The following URB1 variants were observed in gnomAD, a reference collection of about 807,000 sequenced individuals.
The protein encoded by URB1 is nucleolar pre-ribosomal-associated protein 1.
A neutral mutation model predicts 242.3 loss-of-function variants in URB1; 197 were observed. That is an observed-to-expected ratio of 0.81 (90% CI 0.72 to 0.91). The LOEUF is 0.91. URB1 is among the 40% of genes least tolerant of loss of function. The probability of loss-of-function intolerance (pLI) is 0.00; values close to 1 mark genes in which losing one functional copy is unlikely to be tolerated. For synonymous variants in URB1, 1,153 were observed against 1,201.8 expected, an observed-to-expected ratio of 0.96 and a Z score of 0.84; for missense variants, 2,721 against 2,860.5, an observed-to-expected ratio of 0.95 and a Z score of 1.11.
At chr21:32,321,244 CT>C (rs1265697537) in intron 34 of URB1, among the ~76,000 whole-genome samples, 1 of 152,176 alleles carries the variant, frequency 6.6e-6, no homozygotes, top group Non-Finnish European at 1.5e-5. Context: ...ATACTAAAAG[CT>C]TTTCCTATTT....
Position 32,312,374 on chromosome 21 carries a change from G to C in URB1, c.*2544C>G. 8.8e-7 allele frequency: 1 copy of C among 1,136,244 alleles called. No individual in the cohort carries two copies. The allele number at this position is 1,136,244 out of a possible 1,614,324, so 70.4% of individuals were successfully genotyped here. ...AGCCCTGAGTTCACCTGGTCCTTCT[G>C]TACCTTTGTTAGGATGCTGGGTAAG... On this transcript the variant is annotated 3_prime_UTR_variant, in exon 39 of 39. Transcript: ENST00000382751.
chr21:32,375,677 GC>G (rs2033451319), intron 5 of URB1, among the ~76,000 whole-genome samples, 194 bp from the exon 6 acceptor site: 1 of 151,956 alleles, frequency 6.6e-6, no homozygotes, highest in Non-Finnish European at 1.5e-5. Flanking sequence ...AGGCAGAGTG[GC>G]TCATGCCTGT....
Position 32,316,535 on chromosome 21 carries a change from TCCCTGCC to T in URB1, c.6558_6564del (p.Gly2188ProfsTer14). On this transcript the variant is annotated frameshift_variant, in exon 38 of 39. Coordinates refer to ENST00000382751, the MANE Select transcript of URB1 (RefSeq NM_014825.3). LOFTEE classifies it high-confidence loss of function. Reference sequence around the variant, plus strand: ...GCTTCCATGGCCGGGTGGAAGGGGCTCCCTGCCCGGCCCTGGGCAGCCACCAGCTGCA... The same window carrying T: ...GCTTCCATGGCCGGGTGGAAGGGGCTCGGCCCTGGGCAGCCACCAGCTGCA... 6.4e-7 allele frequency: 1 copy of T among 1,550,554 alleles called. No individual in the cohort carries two copies.
rs1354698593 is a variant in URB1 at position 32,333,363 on chromosome 21, A to AT, written c.4913dup (p.Tyr1638Ter). 1.3e-6 allele frequency: 2 copies of AT among 1,551,686 alleles called. No homozygotes were observed. The highest frequency in any genetic ancestry group is 1.7e-6 in the Non-Finnish European group (2 of 1,147,022). ...AGAGCTGAAGGAGAAAGCAGGGGTC[A>AT]TAGAGGCCATCAAGATCCACCCTGC... ...DKSRVDLDGL[Y>*]DPCFLLQLFS... is the part of the protein sequence containing the mutation. Residue 1638 changes from tyrosine (Y) to a stop codon, truncating the protein, a stop_gained and frameshift_variant, in exon 30 of 39, where the codon TAT becomes TAAT. Coordinates refer to ENST00000382751, the MANE Select transcript of URB1 (RefSeq NM_014825.3). LOFTEE classifies it high-confidence loss of function.
Position 32,368,955 on chromosome 21 carries a change from T to C in URB1, c.1002-357A>G, listed in dbSNP as rs75092119. Among the ~76,000 whole-genome samples, 981 of 152,304 alleles carry C rather than the reference T, an allele frequency of 6.4e-3. 12 individuals carry two copies. The highest frequency in any genetic ancestry group is 0.023 in the African/African-American group (941 of 41,548). ...CAGTCTGCCTAGAAGTCAAGGCTAC[T>C]GAAAAGAAAGGACAAAACCAGCAGG... On this transcript the variant is annotated intron_variant, in intron 8 of 38. Transcript: ENST00000382751.
intron 3 of URB1, 123 bp downstream of exon 3, chr21:32,384,190 G>T: frequency 8.1e-7 from 1 of 1,228,626 alleles, no homozygotes; most frequent in Non-Finnish European, 1.1e-6. Context: ...CGGTCACTGT[G>T]GCCTCGGAAA....
In URB1 at chr21:32,337,521, G is replaced by A. The variant is rs973805385; in HGVS notation, c.4511-7C>T. On this transcript the variant is annotated splice_polypyrimidine_tract_variant and splice_region_variant and intron_variant, in intron 26 of 38. Coordinates refer to ENST00000382751, the MANE Select transcript of URB1 (RefSeq NM_014825.3). ...ATCAGGTCCACCAGCGCTTCTGCAA[G>A]AAAACAACCCTGAAACACATGGCAT... is the stretch of plus-strand genomic sequence containing the variant. 1 of 1,551,222 alleles carries A rather than the reference G, an allele frequency of 6.4e-7. No homozygotes were observed. The highest frequency in any genetic ancestry group is 1.2e-5 in the South Asian group (1 of 84,006).
intron 1 of URB1, among the ~76,000 whole-genome samples, chr21:32,389,903 G>A (rs2146059978): frequency 6.6e-6 from 1 of 152,294 alleles, no homozygotes; most frequent in Middle Eastern, 3.4e-3. Flanking sequence ...GGCAGCTCTT[G>A]TTCCTCCACT....
intron 17 of URB1, among the ~76,000 whole-genome samples, chr21:32,354,566 T>C (rs532875440): frequency 6.6e-6 from 1 of 152,320 alleles, no homozygotes; most frequent in South Asian, 2.1e-4. Context: ...ATGAGTAGAA[T>C]AATAATACTC....
At chr21:32,380,922 A>G (rs527755751) in intron 4 of URB1, among the ~76,000 whole-genome samples, 191 of 152,238 alleles carry the variant, frequency 1.3e-3, no homozygotes, top group African/African-American at 4.4e-3. Flanking sequence ...GCAGAACTAG[A>G]CCTCCTGTGG....
chr21:32,369,597 C>T (rs560831133), intron 8 of URB1, among the ~76,000 whole-genome samples: 1 of 152,078 alleles, frequency 6.6e-6, no homozygotes, highest in Non-Finnish European at 1.5e-5. Context: ...GTAGCTGGGA[C>T]TAGAGGTGCA....
chr21:32,368,128 C>T (rs2033366251), intron 9 of URB1, among the ~76,000 whole-genome samples: 2 of 152,178 alleles, frequency 1.3e-5, no homozygotes, highest in South Asian at 2.1e-4. Flanking sequence ...AGTGCAGTGG[C>T]GCGATCTCAG....
chr21:32,348,866 G>A (rs2033124234), intron 21 of URB1, among the ~76,000 whole-genome samples: 1 of 152,228 alleles, frequency 6.6e-6, no homozygotes, highest in Non-Finnish European at 1.5e-5. Flanking sequence ...CAGGTTACAT[G>A]GCAAACTGTG....
chr21:32,388,779 C>T (rs1246878218), intron 1 of URB1, among the ~76,000 whole-genome samples: 1 of 152,238 alleles, frequency 6.6e-6, no homozygotes, highest in Admixed American at 6.5e-5. Context: ...ATTCGTCAAA[C>T]TCTAGCATGT....
intron 1 of URB1, 34 bp from the exon 2 acceptor site, chr21:32,385,718 G>C: frequency 1.3e-6 from 2 of 1,548,162 alleles, no homozygotes; most frequent in Non-Finnish European, 1.7e-6. Context: ...CATTAACAAG[G>C]TCAGTCTTCT....
At chr21:32,317,126 G>A in intron 37 of URB1, 61 bp from the exon 38 acceptor site, 1 of 1,454,300 alleles carries the variant, frequency 6.9e-7, no homozygotes, top group South Asian at 1.5e-5. Flanking sequence ...CACAGATCCA[G>A]ATGTGGGGAG....
In URB1 at chr21:32,314,754, C is replaced by A; in HGVS notation, c.*164G>T. 7.0e-7 allele frequency: 1 copy of A among 1,431,988 alleles called. No individual in the cohort carries two copies. Among genetic ancestry groups the A allele is most frequent in the South Asian group, 1.2e-5 (1 of 82,362 alleles). The allele number at this position is 1,431,988 out of a possible 1,614,324, so 88.7% of individuals were successfully genotyped here. A position where few individuals can be genotyped will look rare whatever the true frequency, so the allele number is the denominator to read the frequency against. ...CGAGTTTATCATTTACTGGGCAGTTCAATAAAGTCCTCTCAACTTTTCTTG... is the reference window on the plus strand; with the variant it reads ...CGAGTTTATCATTTACTGGGCAGTTAAATAAAGTCCTCTCAACTTTTCTTG... On this transcript the variant is annotated 3_prime_UTR_variant, in exon 39 of 39. Coordinates refer to ENST00000382751, the MANE Select transcript of URB1 (RefSeq NM_014825.3).
At chr21:32,316,407 G>C in intron 38 of URB1, 59 bp downstream of exon 38, 2 of 1,455,504 alleles carry the variant, frequency 1.4e-6, no homozygotes, top group South Asian at 3.0e-5. Context: ...AATCACTCCT[G>C]CCCCCAGGCC....
At chr21:32,389,610 G>A (rs1404802723) in intron 1 of URB1, among the ~76,000 whole-genome samples, 2 of 152,184 alleles carry the variant, frequency 1.3e-5, no homozygotes, top group South Asian at 2.1e-4. Context: ...CAAGGCCAGG[G>A]GACAGACTGA....
Sources: gnomAD v4.1 joint callset for allele counts (sites outside exome capture counted in the v4.1 genomes callset) on GRCh38, gnomAD v4.1.1 for gene constraint, MANE v1.5 for transcripts, NCBI Gene and HGNC (gene_info 2026-07-23, HGNC 2026-07-21) for gene names.